The following TMEM95 variants were observed in gnomAD, a reference collection of about 807,000 sequenced individuals.
The protein encoded by TMEM95 is transmembrane protein 95, also known as sperm-egg fusion protein TMEM95.
Under a neutral mutation model 27.7 loss-of-function variants are expected in TMEM95, and 21 were observed. The observed-to-expected ratio is 0.76, with a 90% CI of 0.54 to 1.09. The LOEUF is 1.09. Ranked by LOEUF, TMEM95 falls within the 50% of genes least tolerant of loss-of-function variation. The pLI is 0.00. For synonymous variants in TMEM95, 77 were observed against 85.7 expected, an observed-to-expected ratio of 0.90 and a Z score of 0.56; for missense variants, 203 against 217.9, an observed-to-expected ratio of 0.93 and a Z score of 0.43.
At chr17:7,356,522 C>A in intron 6 of TMEM95, 43 bp downstream of exon 6, 1 of 1,611,656 alleles carries the variant, frequency 6.2e-7, no homozygotes, top group Non-Finnish European at 8.5e-7. Context: ...CCGCCCAGTG[C>A]CTTCCACCAC....
Position 7,356,762 on chromosome 17 carries a change from C to T in TMEM95, c.*130C>T, listed in dbSNP as rs1410499699. ...CAGTCTCCAGACCCTAAAACCCAGA[C>T]ATCCCTGCTTCTGGTTGGTGAGATA... On this transcript the variant is annotated 3_prime_UTR_variant, in exon 7 of 7. Transcript: ENST00000576060. The T allele has an allele frequency of 2.1e-6, 2 of 961,440 alleles. No individual in the cohort carries two copies. The highest frequency in any genetic ancestry group is 3.1e-6 in the Non-Finnish European group (2 of 642,310). The allele number at this position is 961,440 out of a possible 1,614,324, so 59.6% of individuals were successfully genotyped here.
At position 7,355,755 on chromosome 17, in the gene TMEM95, T is replaced by G; in HGVS notation, c.227-83T>G. 6.7e-7 allele frequency: 1 copy of G among 1,489,476 alleles called. No homozygotes were observed. The highest frequency in any genetic ancestry group is 9.3e-7 in the Non-Finnish European group (1 of 1,079,102). The allele number at this position is 1,489,476 out of a possible 1,614,324, so 92.3% of individuals were successfully genotyped here. On this transcript the variant is annotated intron_variant, in intron 2 of 6. Transcript: ENST00000576060. This position sits in a 1 kb window ranked among gnomAD's most constrained non-coding sequence, Gnocchi z 4.9. ...GGTGGAGGGGTAGAGACAGGAGGGC[T>G]GATCAGGGAGGGGCTGCGTGAAGAG...
rs1597664221 is a variant in TMEM95, at chr17:7,356,981, A to C, written c.*349A>C. 4.3e-5 allele frequency: 15 copies of C among 347,688 alleles called. No homozygotes were observed. Among genetic ancestry groups the C allele is most frequent in the South Asian group, 1.9e-4 (2 of 10,654 alleles). The allele number at this position is 347,688 out of a possible 1,614,324, so 21.5% of individuals were successfully genotyped here. ...CCTACGCCACTCCCACCACACCCACACCCCCTTCTGCCTGTTCCGGGAAAG... is the reference window on the plus strand; with the variant it reads ...CCTACGCCACTCCCACCACACCCACCCCCCCTTCTGCCTGTTCCGGGAAAG... On this transcript the variant is annotated 3_prime_UTR_variant, in exon 7 of 7. Transcript: ENST00000576060.
At position 7,356,229 on chromosome 17, in the gene TMEM95, G is replaced by A; in HGVS notation, c.362G>A (p.Cys121Tyr). ...ACCACGCTGTACAACTGCTCCACCT[G>A]CAAGGGGACGGAGGTGTCCTGCTGG... ...GSTTLYNCST[C>Y]KGTEVSCWPR... The change falls in exon 5 of 7, where the codon TGC becomes TAC. Residue 121 changes from cysteine to tyrosine, a missense_variant. Cys to Tyr is a radical substitution (Grantham distance 194). Coordinates refer to ENST00000576060, the MANE Select transcript of TMEM95 (RefSeq NM_001320436.2). 6.4e-7 allele frequency: 1 copy of A among 1,565,116 alleles called. No individual in the cohort carries two copies. Among genetic ancestry groups the A allele is most frequent in the South Asian group, 1.2e-5 (1 of 83,512 alleles).
Position 7,356,222 on chromosome 17 carries a change from T to A in TMEM95, c.355T>A (p.Ser119Thr), listed in dbSNP as rs1567636477. 1 of 1,565,624 alleles carries A rather than the reference T, an allele frequency of 6.4e-7. No individual in the cohort carries two copies. The highest frequency in any genetic ancestry group is 8.6e-7 in the Non-Finnish European group (1 of 1,156,248). The change falls in exon 5 of 7, where the codon TCC becomes ACC. Residue 119 changes from serine (S) to threonine (T), a missense_variant. Physicochemically the swap from Ser to Thr is moderately conservative, Grantham distance 58. Transcript: ENST00000576060. ...GGGCAGCACCACGCTGTACAACTGCTCCACCTGCAAGGGGACGGAGGTGTC... is the reference window on the plus strand; with the variant it reads ...GGGCAGCACCACGCTGTACAACTGCACCACCTGCAAGGGGACGGAGGTGTC... ...CRGSTTLYNC[S>T]TCKGTEVSCW...
In TMEM95 at chr17:7,356,418, A is replaced by C. The variant is rs1368257034; in HGVS notation, c.436A>C (p.Ile146Leu). ...PGSQDLWEAK[I>L]LLLSIFGAFL... ...AAGTCAGGATCTTTGGGAAGCCAAG[A>C]TTCTGCTCCTCTCCATCTTCGGAGC... The change falls in exon 6 of 7, where the codon ATT becomes CTT. Residue 146 changes from isoleucine to leucine, a missense_variant. Transcript: ENST00000576060. The C allele has an allele frequency of 6.2e-7, 1 of 1,613,952 alleles. No homozygotes were observed. The highest frequency in any genetic ancestry group is 8.5e-7 in the Non-Finnish European group (1 of 1,180,004).
chr17:7,355,457 C>A lies in TMEM95; in HGVS notation c.169+84C>A, dbSNP rs888047825. 1.3e-6 allele frequency: 2 copies of A among 1,555,974 alleles called. No individual in the cohort carries two copies. The highest frequency in any genetic ancestry group is 2.7e-5 in the African/African-American group (2 of 73,298). ...GTGGCATGTGACCTTCCAGCTGTGC[C>A]CTCCATCTGTGGCCCTTTCTGGACA... On this transcript the variant is annotated intron_variant, in intron 1 of 6. Coordinates refer to ENST00000576060, the MANE Select transcript of TMEM95 (RefSeq NM_001320436.2). This position sits in a 1 kb window ranked among gnomAD's most constrained non-coding sequence, Gnocchi z 4.9.
Position 7,356,791 on chromosome 17 carries a change from A to G in TMEM95, c.*159A>G. 1 of 780,328 alleles carries G rather than the reference A, an allele frequency of 1.3e-6. No individual in the cohort carries two copies. The highest frequency in any genetic ancestry group is 2.2e-5 in the South Asian group (1 of 45,014). 48.3% of individuals were successfully genotyped at this position (780,328 alleles called of 1,614,324 possible). On this transcript the variant is annotated 3_prime_UTR_variant, in exon 7 of 7. Transcript: ENST00000576060. Reference sequence around the variant, plus strand: ...CCTGCTTCTGGTTGGTGAGATAATGAAAAACAAGAAAATCCCCAAAAACCC... The same window carrying G: ...CCTGCTTCTGGTTGGTGAGATAATGGAAAACAAGAAAATCCCCAAAAACCC...
At position 7,355,859 on chromosome 17, in the gene TMEM95, C is replaced by T. The variant is rs775035879; in HGVS notation, c.248C>T (p.Ser83Leu). ...RVMEIKEAVS[S>L]LPSYWSWLRK... ...CCAGAAATCAAAGAGGCTGTCTCCT[C>T]ACTCCCTTCATATTGGAGTTGGCTT... The change falls in exon 3 of 7, where the codon TCA becomes TTA. Residue 83 changes from serine to leucine, a missense_variant. Physicochemically the swap from Ser to Leu is moderately radical, Grantham distance 145. Transcript: ENST00000576060. This position sits in a 1 kb window ranked among gnomAD's most constrained non-coding sequence, Gnocchi z 4.9. 2 of 1,614,008 alleles carry T rather than the reference C, an allele frequency of 1.2e-6. No individual in the cohort carries two copies. The highest frequency in any genetic ancestry group is 2.2e-5 in the South Asian group (2 of 91,076).
chr17:7,356,775 G>A lies in TMEM95; in HGVS notation c.*143G>A. The A allele has an allele frequency of 2.3e-6, 2 of 879,266 alleles. No homozygotes were observed. Among genetic ancestry groups the A allele is most frequent in the Non-Finnish European group, 3.5e-6 (2 of 579,672 alleles). 54.5% of individuals were successfully genotyped at this position (879,266 alleles called of 1,614,324 possible). A position where few individuals can be genotyped will look rare whatever the true frequency, so the allele number is the denominator to read the frequency against. ...CTAAAACCCAGACATCCCTGCTTCT[G>A]GTTGGTGAGATAATGAAAAACAAGA... On this transcript the variant is annotated 3_prime_UTR_variant, in exon 7 of 7. Transcript: ENST00000576060.
Position 7,356,259 on chromosome 17 carries a change from G to A in TMEM95, c.392G>A (p.Arg131Gln), listed in dbSNP as rs142054857. The A allele has an allele frequency of 1.7e-5, 27 of 1,572,692 alleles. No individual in the cohort carries two copies. In the African/African-American group the frequency reaches 2.2e-4, roughly 13 times the overall value. ...CKGTEVSCWP[R>Q]KRCFPGSQDL... Reference sequence around the variant, plus strand: ...GGGACGGAGGTGTCCTGCTGGCCCCGAAAGCGCTGCTTCCCAGGTCCTCAC... The same window carrying A: ...GGGACGGAGGTGTCCTGCTGGCCCCAAAAGCGCTGCTTCCCAGGTCCTCAC... Residue 131 changes from arginine (R) to glutamine (Q), a missense_variant, in exon 5 of 7, where the codon CGA becomes CAA. Arg to Gln is a conservative substitution (Grantham distance 43). Coordinates refer to ENST00000576060, the MANE Select transcript of TMEM95 (RefSeq NM_001320436.2).
rs1189690741 is a variant in TMEM95, at chr17:7,356,415, A to G, written c.433A>G (p.Lys145Glu). The G allele has an allele frequency of 6.2e-7, 1 of 1,614,098 alleles. No individual in the cohort carries two copies. The highest frequency in any genetic ancestry group is 8.5e-7 in the Non-Finnish European group (1 of 1,179,988). ...FPGSQDLWEA[K>E]ILLLSIFGAF... ...AGGAAGTCAGGATCTTTGGGAAGCC[A>G]AGATTCTGCTCCTCTCCATCTTCGG... The change falls in exon 6 of 7, where the codon AAG becomes GAG. Residue 145 changes from lysine (K) to glutamate (E), a missense_variant. Coordinates refer to ENST00000576060, the MANE Select transcript of TMEM95 (RefSeq NM_001320436.2).
In TMEM95 at chr17:7,355,686, C is replaced by A. The variant is rs201363918; in HGVS notation, c.226+44C>A. ...AGTGACCTAGGGGCTTGGGAGGATA[C>A]CAAGGAGAGGGACGGGTGACAGGGG... is the stretch of plus-strand genomic sequence containing the variant. On this transcript the variant is annotated intron_variant, in intron 2 of 6. Coordinates refer to ENST00000576060, the MANE Select transcript of TMEM95 (RefSeq NM_001320436.2). This position sits in a 1 kb window ranked among gnomAD's most constrained non-coding sequence, Gnocchi z 4.9. 3.0e-4 allele frequency: 460 copies of A among 1,526,586 alleles called. 1 individual carries two copies. Among genetic ancestry groups the A allele is most frequent in the Middle Eastern group, 5.3e-4 (3 of 5,686 alleles). 94.6% of individuals were successfully genotyped at this position (1,526,586 alleles called of 1,614,324 possible).
intron 5 of TMEM95, 56 bp downstream of exon 5, chr17:7,356,332 G>A (rs1255201850): frequency 3.1e-6 from 5 of 1,607,318 alleles, no homozygotes; most frequent in Non-Finnish European, 3.4e-6. Context: ...GAGCCCTTGG[G>A]CTCCCAAGTC....
At position 7,355,552 on chromosome 17, in the gene TMEM95, T is replaced by C; in HGVS notation, c.170-34T>C. 1 of 1,552,256 alleles carries C rather than the reference T, an allele frequency of 6.4e-7. No homozygotes were observed. The highest frequency in any genetic ancestry group is 8.7e-7 in the Non-Finnish European group (1 of 1,146,962). The stretch of plus-strand genomic sequence containing the variant: ...GGAGAGACCCCAGAACCTGGGCTGA[T>C]GAGGGAATCGCTGGTCCTTGCCCAT... On this transcript the variant is annotated intron_variant, in intron 1 of 6. Coordinates refer to ENST00000576060, the MANE Select transcript of TMEM95 (RefSeq NM_001320436.2). This position sits in a 1 kb window ranked among gnomAD's most constrained non-coding sequence, Gnocchi z 4.9.
At position 7,355,302 on chromosome 17, in the gene TMEM95, G is replaced by C; in HGVS notation, c.98G>C (p.Arg33Pro). The change falls in exon 1 of 7, where the codon CGG becomes CCG. Residue 33 changes from arginine to proline, a missense_variant. Coordinates refer to ENST00000576060, the MANE Select transcript of TMEM95 (RefSeq NM_001320436.2). This position sits in a 1 kb window ranked among gnomAD's most constrained non-coding sequence, Gnocchi z 4.9. ...CACGACTTGTCAGGCCGCCTGGCTCGGCTCTGCAGCCAGATGGAGGCCAGG... is the reference window on the plus strand; with the variant it reads ...CACGACTTGTCAGGCCGCCTGGCTCCGCTCTGCAGCCAGATGGAGGCCAGG... The part of the protein sequence containing the change: ...PAHDLSGRLA[R>P]LCSQMEARQK... 6.2e-7 allele frequency: 1 copy of C among 1,614,068 alleles called. No individual in the cohort carries two copies. Among genetic ancestry groups the C allele is most frequent in the East Asian group, 2.2e-5 (1 of 44,884 alleles).
At position 7,356,244 on chromosome 17, in the gene TMEM95, T is replaced by C. The variant is rs1567636558; in HGVS notation, c.377T>C (p.Val126Ala). 6.4e-7 allele frequency: 1 copy of C among 1,568,110 alleles called. No individual in the cohort carries two copies. The highest frequency in any genetic ancestry group is 8.6e-7 in the Non-Finnish European group (1 of 1,158,710). Residue 126 changes from valine (V) to alanine (A), a missense_variant, in exon 5 of 7, where the codon GTG becomes GCG. Val to Ala is a moderately conservative substitution (Grantham distance 64). Transcript: ENST00000576060. Reference sequence around the variant, plus strand: ...TGCTCCACCTGCAAGGGGACGGAGGTGTCCTGCTGGCCCCGAAAGCGCTGC... The same window carrying C: ...TGCTCCACCTGCAAGGGGACGGAGGCGTCCTGCTGGCCCCGAAAGCGCTGC... ...YNCSTCKGTE[V>A]SCWPRKRCFP...
At chr17:7,356,134 G>A (rs2073495769) in intron 4 of TMEM95, 62 bp from the exon 5 acceptor site, 4 of 1,605,350 alleles carry the variant, frequency 2.5e-6, no homozygotes, top group East Asian at 2.2e-5. Context: ...AGGAAGCTGG[G>A]TACCAGGCAG....
Position 7,355,764 on chromosome 17 carries a change from A to AG in TMEM95, c.227-70dup, listed in dbSNP as rs144825300. The AG allele has an allele frequency of 0.34, 521,940 of 1,524,828 alleles. 92,089 individuals are homozygous for AG. The highest frequency in any genetic ancestry group is 0.41 in the Admixed American group (24,340 of 59,408). The allele number at this position is 1,524,828 out of a possible 1,614,324, so 94.5% of individuals were successfully genotyped here. On this transcript the variant is annotated intron_variant, in intron 2 of 6. Transcript: ENST00000576060. This position sits in a 1 kb window ranked among gnomAD's most constrained non-coding sequence, Gnocchi z 4.9. ...GTAGAGACAGGAGGGCTGATCAGGG[A>AG]GGGGCTGCGTGAAGAGAGGGGGAAC...
Sources: allele counts gnomAD v4.1 joint callset, GRCh38; gene constraint gnomAD v4.1.1; non-coding constraint Gnocchi (gnomAD v3.1); transcripts MANE v1.5; gene names NCBI Gene and HGNC (gene_info 2026-07-23, HGNC 2026-07-21).